DNAH10: variants seen among roughly 807,000 people sequenced by gnomAD.
DNAH10 encodes the protein dynein axonemal heavy chain 10.
In DNAH10, 348 loss-of-function variants were observed where a neutral mutation model predicts 506.6. That is an observed-to-expected ratio of 0.69 (90% CI 0.63 to 0.75). DNAH10 has a LOEUF of 0.75. Ranked by LOEUF, DNAH10 falls within the 30% of genes least tolerant of loss-of-function variation. The pLI is 0.00. For missense variants in DNAH10, 5,179 were observed against 5,787.1 expected (o/e 0.89, Z 3.41); for synonymous variants, 2,059 against 2,198.6 (o/e 0.94, Z 1.78).
rs923484856 is a variant in DNAH10, at chr12:123,851,091, C to G, written c.6291+15C>G. The G allele has an allele frequency of 6.3e-7, 1 of 1,587,116 alleles. No individual in the cohort carries two copies. The highest frequency in any genetic ancestry group is 2.3e-5 in the East Asian group (1 of 44,432). ...TGGAGGCCAAGGTGGGGGGCCTTGG[C>G]AGCGCCAGGTCGTGCAGTGCAGACT... On this transcript the variant is annotated intron_variant, in intron 35 of 78. Transcript: ENST00000673944.
chr12:123,884,146 TG>T (rs1389629226), intron 51 of DNAH10, among the ~76,000 whole-genome samples: 1 of 152,200 alleles, frequency 6.6e-6, no homozygotes, highest in Non-Finnish European at 1.5e-5. Context: ...GCGATTCTCC[TG>T]CCTCAGCCTC....
intron 35 of DNAH10, 66 bp downstream of exon 35, chr12:123,851,142 G>C: frequency 6.7e-7 from 1 of 1,492,420 alleles, no homozygotes; most frequent in South Asian, 1.3e-5. Context: ...TCCAGACTGG[G>C]GACCTAGGAC....
chr12:123,910,736 A>G (rs1032340781), intron 59 of DNAH10, 64 bp downstream of exon 59: 2 of 1,586,482 alleles, frequency 1.3e-6, no homozygotes, highest in African/African-American at 2.7e-5. Flanking sequence ...CAGAATTCAC[A>G]TGTACATACC....
intron 40 of DNAH10, among the ~76,000 whole-genome samples, chr12:123,865,022 TTGAC>T (rs1023928641): frequency 6.6e-6 from 1 of 152,220 alleles, no homozygotes; most frequent in Non-Finnish European, 1.5e-5. Context: ...ACATTATCTG[TTGAC>T]TGACTGCTAC....
At chr12:123,821,354 A>G (rs1001637512) in intron 24 of DNAH10, among the ~76,000 whole-genome samples, 5 of 152,202 alleles carry the variant, frequency 3.3e-5, no homozygotes, top group African/African-American at 9.7e-5. Context: ...TTTTTGAGAC[A>G]AAGTCTCGCT....
At chr12:123,791,124 C>G (rs920416470) in intron 11 of DNAH10, among the ~76,000 whole-genome samples, 3 of 151,920 alleles carry the variant, frequency 2.0e-5, no homozygotes, top group Non-Finnish European at 4.4e-5. Context: ...GAGTAAGACT[C>G]TGTCTCAAAA....
At position 123,934,785 on chromosome 12, in the gene DNAH10, CCTCT is replaced by C. The variant is rs1253329762; in HGVS notation, c.13623+22_13623+25del. 4.3e-6 allele frequency: 7 copies of C among 1,612,700 alleles called. No homozygotes were observed. In the African/African-American group the frequency reaches 6.7e-5, roughly 15 times the overall value. ...GCTGCAGGTGAAGGTCCCAGCCCCT[CCTCT>C]CTGACACCAGGGCCCTTCCTCTTCT... On this transcript the variant is annotated intron_variant, in intron 78 of 78. Coordinates refer to ENST00000673944, the MANE Select transcript of DNAH10 (RefSeq NM_001372106.1).
intron 10 of DNAH10, 152 bp from the exon 11 acceptor site, chr12:123,789,775 G>T: frequency 1.5e-6 from 1 of 678,216 alleles, no homozygotes; most frequent in Non-Finnish European, 2.4e-6. Flanking sequence ...ATGTGCCTTG[G>T]GCATCGTACC....
In DNAH10 at chr12:123,918,960, C is replaced by T. The variant is rs1407197719; in HGVS notation, c.11506+11C>T. 3.2e-5 allele frequency: 51 copies of T among 1,597,242 alleles called. No individual in the cohort carries two copies. The highest frequency in any genetic ancestry group is 4.3e-5 in the Non-Finnish European group (50 of 1,169,474). ...ACCACGGCTGCACAGGTGAGCTCTCCCCACAGAGGAGGACATGTTAGTGTA... is the reference window on the plus strand; with the variant it reads ...ACCACGGCTGCACAGGTGAGCTCTCTCCACAGAGGAGGACATGTTAGTGTA... On this transcript the variant is annotated intron_variant, in intron 65 of 78. Transcript: ENST00000673944.
chr12:123,833,987 C>G (rs1007515958), intron 27 of DNAH10, among the ~76,000 whole-genome samples: 4 of 152,068 alleles, frequency 2.6e-5, no homozygotes, highest in Non-Finnish European at 5.9e-5. Flanking sequence ...GTGCAGTTGC[C>G]TTTTTTTCCT....
chr12:123,887,338 G>C (rs760559876), intron 52 of DNAH10, 25 bp downstream of exon 52: 2 of 1,607,056 alleles, frequency 1.2e-6, no homozygotes, highest in Non-Finnish European at 1.7e-6. Flanking sequence ...GGCGCCCGCT[G>C]TGGCCAACAC....
intron 67 of DNAH10, 92 bp downstream of exon 67, chr12:123,924,524 C>G: frequency 6.8e-7 from 1 of 1,479,984 alleles, no homozygotes; most frequent in Non-Finnish European, 9.1e-7. Context: ...AGAGAAGACA[C>G]TCCTTTGAGT....
intron 29 of DNAH10, 26 bp downstream of exon 29, chr12:123,838,715 T>TTAGAA (rs773591642): frequency 2.3e-4 from 373 of 1,603,002 alleles, no homozygotes; most frequent in Non-Finnish European, 3.1e-4. Flanking sequence ...GTGCAGGGGC[T>TTAGAA]CCCCGTGTAA....
rs1265506014 is a variant in DNAH10, at chr12:123,820,611, G to A, written c.4032G>A (p.Glu1344=). 17 of 1,613,812 alleles carry A rather than the reference G, an allele frequency of 1.1e-5. No individual in the cohort carries two copies. Among genetic ancestry groups the A allele is most frequent in the African/African-American group, 4.0e-5 (3 of 74,908 alleles). ...AGCTTTTAGGTGTTTATGAAAGAGA[G>A]CTGGCAAGACATGAAAAGAGCCGTC... is the stretch of plus-strand genomic sequence containing the variant. The part of the protein sequence containing the change: ...GVELLGVYER[E]LARHEKSRQE... Residue 1344 remains glutamate, a synonymous_variant, in exon 24 of 79, where the codon GAG becomes GAA. Transcript: ENST00000673944.
chr12:123,859,072 C>G (rs1049557225), intron 37 of DNAH10, 78 bp from the exon 38 acceptor site: 1 of 1,282,210 alleles, frequency 7.8e-7, no homozygotes, highest in Non-Finnish European at 1.1e-6. Flanking sequence ...AATTGTATGG[C>G]GTGTGTGTTG....
Position 123,845,846 on chromosome 12 carries a change from A to G in DNAH10, c.5607A>G (p.Ile1869Met). The change falls in exon 31 of 79, where the codon ATA becomes ATG. Residue 1869 changes from isoleucine (I) to methionine (M), a missense_variant. Ile to Met is a conservative substitution (Grantham distance 10). Around this residue, in one of 3 missense-constraint regions of DNAH10, gnomAD observed 4,844 missense variants for 5,430.5 expected, o/e 0.89. Transcript: ENST00000673944. ...TCATTGATGTGCATGCCAGAGACAT[A>G]GTTGATTCTTTCATAAGAGGCAGGT... Reference protein sequence around the residue: ...VLIIDVHARDIVDSFIRGSIL... With the variant: ...VLIIDVHARDMVDSFIRGSIL... 1 of 1,614,030 alleles carries G rather than the reference A, an allele frequency of 6.2e-7. No homozygotes were observed. Among genetic ancestry groups the G allele is most frequent in the Non-Finnish European group, 8.5e-7 (1 of 1,179,886 alleles).
At chr12:123,766,908 C>CTTTTTTTTTTTT (rs374930458) in intron 1 of DNAH10, among the ~76,000 whole-genome samples, 3 of 137,932 alleles carry the variant, frequency 2.2e-5, no homozygotes, top group Non-Finnish European at 3.2e-5. Context: ...TTTCTTTTTT[C>CTTTTTTTTTTTT]TTTTTTTTTT....
chr12:123,868,987 G>C (rs1011090216), intron 43 of DNAH10, among the ~76,000 whole-genome samples: 1 of 152,194 alleles, frequency 6.6e-6, no homozygotes, highest in Non-Finnish European at 1.5e-5. Context: ...GACAATGTTG[G>C]CCTGCTTCCC....
rs988929108 is a variant in DNAH10, at chr12:123,914,622, G to T, written c.10574+72G>T. On this transcript the variant is annotated intron_variant, in intron 61 of 78. Coordinates refer to ENST00000673944, the MANE Select transcript of DNAH10 (RefSeq NM_001372106.1). ...AGGGGGTCTACGTGGGTGTCACCCT[G>T]GGGGGAGGCAATGGCCTGGGGGGCA... The T allele has an allele frequency of 1.1e-5, 17 of 1,503,206 alleles. No homozygotes were observed. The African/African-American group carries it at 1.5e-4, about 13-fold the overall frequency. 93.1% of individuals were successfully genotyped at this position (1,503,206 alleles called of 1,614,324 possible).
Sources: allele counts gnomAD v4.1 joint callset (sites outside exome capture counted in the v4.1 genomes callset), GRCh38; gene constraint gnomAD v4.1.1; regional missense constraint gnomAD v4.1.1; transcripts MANE v1.5; gene names NCBI Gene and HGNC (gene_info 2026-07-23, HGNC 2026-07-21).